The following GPC6 variants were observed in gnomAD, a reference collection of about 807,000 sequenced individuals.
The protein encoded by GPC6 is glypican-6.
Under a neutral mutation model 55.2 loss-of-function variants are expected in GPC6, and 14 were observed. The ratio of observed to expected loss-of-function variants is 0.25; its 90% CI spans 0.17 to 0.40. The LOEUF (loss-of-function observed/expected upper bound fraction) is 0.40, where lower values mean the gene tolerates loss of function less well. Ranked by LOEUF, GPC6 falls within the 10% of genes least tolerant of loss-of-function variation. The probability of loss-of-function intolerance (pLI) is 1.00; values close to 1 mark genes in which losing one functional copy is unlikely to be tolerated. For missense variants in GPC6, 641 were observed against 708.5 expected, an observed-to-expected ratio of 0.90 and a Z score of 1.08; for synonymous variants, 278 against 259.6, an observed-to-expected ratio of 1.07 and a Z score of -0.68.
intron 4 of GPC6, among the ~76,000 whole-genome samples, chr13:94,088,686 T>C (rs1183738070): frequency 6.6e-6 from 1 of 152,096 alleles, no homozygotes. Context: ...CCAGGCCTGA[T>C]TGAATCAGGA....
chr13:93,346,988 A>G (rs1332017468), intron 1 of GPC6, among the ~76,000 whole-genome samples: 1 of 152,200 alleles, frequency 6.6e-6, no homozygotes, highest in African/African-American at 2.4e-5. Context: ...TGATAAATCA[A>G]AACTAATTTC....
intron 3 of GPC6, among the ~76,000 whole-genome samples, chr13:93,961,843 T>G (rs1208940269): frequency 6.6e-6 from 1 of 152,148 alleles, no homozygotes; most frequent in African/African-American, 2.4e-5. Context: ...TAGCAGAGAT[T>G]TTAGGCAATT....
At chr13:93,285,303 T>C (rs1203892375) in intron 1 of GPC6, among the ~76,000 whole-genome samples, 2 of 152,202 alleles carry the variant, frequency 1.3e-5, no homozygotes, top group Non-Finnish European at 2.9e-5. Flanking sequence ...ATTAATGAAT[T>C]GTCTTTCAGT....
At chr13:93,704,353 G>A (rs1168988176) in intron 2 of GPC6, among the ~76,000 whole-genome samples, 1 of 151,826 alleles carries the variant, frequency 6.6e-6, no homozygotes, top group East Asian at 1.9e-4. Context: ...ATTTCTTTTT[G>A]AGCCACAATG....
intron 4 of GPC6, among the ~76,000 whole-genome samples, chr13:94,188,922 T>A (rs552262537): frequency 6.6e-6 from 1 of 152,252 alleles, no homozygotes; most frequent in African/African-American, 2.4e-5. Context: ...CTCCCCTCAA[T>A]CGTATAGTTG....
chr13:94,110,052 C>T (rs555726935), intron 4 of GPC6, among the ~76,000 whole-genome samples: 1 of 135,090 alleles, frequency 7.4e-6, no homozygotes, highest in South Asian at 2.4e-4. Context: ...AATGTTTCAT[C>T]ACCCTGGACT....
At chr13:93,908,033 G>A (rs566889285) in intron 3 of GPC6, among the ~76,000 whole-genome samples, 2 of 152,154 alleles carry the variant, frequency 1.3e-5, no homozygotes, top group Non-Finnish European at 2.9e-5. Flanking sequence ...TAAAATCTTT[G>A]ATGGGAGACA....
chr13:94,300,632 GA>G (rs1875600785), intron 5 of GPC6, among the ~76,000 whole-genome samples: 1 of 152,174 alleles, frequency 6.6e-6, no homozygotes, highest in Admixed American at 6.5e-5. Flanking sequence ...TAGGTGGAAG[GA>G]GAATTGCTTT....
intron 4 of GPC6, among the ~76,000 whole-genome samples, chr13:94,246,705 T>C (rs1163963677): frequency 1.3e-5 from 2 of 152,136 alleles, no homozygotes; most frequent in Non-Finnish European, 2.9e-5. Flanking sequence ...TCTATTCTGT[T>C]CCACTGGTCT....
chr13:94,309,285 A>C (rs1876114006), intron 6 of GPC6, among the ~76,000 whole-genome samples: 1 of 152,182 alleles, frequency 6.6e-6, no homozygotes, highest in Admixed American at 6.6e-5. Context: ...GTTACTTCTT[A>C]GTGCCATTTA....
At chr13:93,413,037 G>T (rs1876570082) in intron 1 of GPC6, among the ~76,000 whole-genome samples, 1 of 152,164 alleles carries the variant, frequency 6.6e-6, no homozygotes, top group Non-Finnish European at 1.5e-5. Context: ...TTACTTGGGT[G>T]AGGACTAATG....
the GPC6 span, among the ~76,000 whole-genome samples, chr13:93,217,740 G>C: frequency 6.6e-6 from 1 of 152,116 alleles, no homozygotes; most frequent in Non-Finnish European, 1.5e-5. Context: ...GTCCTTCTAT[G>C]CTATGCACAC....
intron 1 of GPC6, among the ~76,000 whole-genome samples, chr13:93,435,563 C>T (rs1241963721): frequency 3.3e-5 from 5 of 151,830 alleles, no homozygotes; most frequent in Admixed American, 1.3e-4. Flanking sequence ...GAGAAATTTC[C>T]TTTTACTATG....
intron 2 of GPC6, among the ~76,000 whole-genome samples, chr13:93,592,972 T>C (rs7337872): frequency 0.7 from 106,712 of 151,852 alleles, 41,164 homozygotes; most frequent in Non-Finnish European, 0.85. Context: ...ATAAATGATA[T>C]TAAAAAATCA....
At chr13:93,450,725 AT>A (rs745387177) in intron 1 of GPC6, 16 of 974,234 alleles carry the variant, frequency 1.6e-5, no homozygotes, top group Non-Finnish European at 2.0e-5. Flanking sequence ...TAGTGGCTGT[AT>A]TTCATAAAAT....
intron 2 of GPC6, among the ~76,000 whole-genome samples, chr13:93,672,639 G>GAT (rs71272214): frequency 0.017 from 2,350 of 139,938 alleles, 25 homozygotes; most frequent in Non-Finnish European, 0.027. Context: ...CTCAGTGTCT[G>GAT]ATATATATAT....
chr13:94,159,198 C>G (rs1031381571), intron 4 of GPC6, among the ~76,000 whole-genome samples: 18 of 152,166 alleles, frequency 1.2e-4, no homozygotes, highest in African/African-American at 3.6e-4. Context: ...GGGCATATCA[C>G]TCATTCTTTC....
At chr13:93,553,945 G>A (rs1320452770) in intron 2 of GPC6, among the ~76,000 whole-genome samples, 3 of 145,232 alleles carry the variant, frequency 2.1e-5, no homozygotes, top group Admixed American at 7.0e-5. Context: ...GACCAGCCTG[G>A]ACAACATGGT....
chr13:93,668,616 G>C (rs78931126), intron 2 of GPC6, among the ~76,000 whole-genome samples: 1 of 152,126 alleles, frequency 6.6e-6, no homozygotes, highest in Non-Finnish European at 1.5e-5. Flanking sequence ...AAAGGAGACC[G>C]CCATGTGAAT....
Sources: gnomAD v4.1 joint callset for allele counts (sites outside exome capture counted in the v4.1 genomes callset) on GRCh38, gnomAD v4.1.1 for gene constraint, MANE v1.5 for transcripts, NCBI Gene and HGNC (gene_info 2026-07-23, HGNC 2026-07-21) for gene names.